Variants in LETM1 observed in about 807,000 individuals in gnomAD.
LETM1 encodes the protein leucine zipper and EF-hand containing transmembrane protein 1.
Under a neutral mutation model 74.5 loss-of-function variants are expected in LETM1, and 50 were observed. The ratio of observed to expected loss-of-function variants is 0.67; its 90% CI spans 0.53 to 0.85. The LOEUF (loss-of-function observed/expected upper bound fraction) is 0.85, where lower values mean the gene tolerates loss of function less well. Among genes scored for constraint, LETM1 ranks in the 40% least tolerant of loss-of-function variants. LETM1 has a pLI of 0.00. For synonymous variants in LETM1, 446 were observed against 407.1 expected (o/e 1.10, Z -1.15); for missense variants, 824 against 967.8 (o/e 0.85, Z 1.97).
chr4:1,827,541 C>G (rs1389475431), intron 6 of LETM1, among the ~76,000 whole-genome samples: 1 of 109,038 alleles, frequency 9.2e-6, no homozygotes, highest in Non-Finnish European at 1.8e-5. Flanking sequence ...ACATCTTGCA[C>G]CGCCCTTAAT....
intron 8 of LETM1, 72 bp downstream of exon 8, chr4:1,823,572 C>A (rs1316165040): frequency 1.3e-6 from 2 of 1,589,768 alleles, no homozygotes; most frequent in African/African-American, 2.7e-5. Flanking sequence ...CGCTTGCACA[C>A]CTCCCCCCAC....
At chr4:1,833,044 T>C in intron 5 of LETM1, 97 bp from the exon 6 acceptor site, 1 of 1,044,210 alleles carries the variant, frequency 9.6e-7, no homozygotes, top group African/African-American at 1.6e-5. Flanking sequence ...CCTCTCATCC[T>C]CAGGGACTCA....
rs1711805031 is a variant in LETM1, at chr4:1,822,218, GTC to G, written c.1569_1570del (p.Glu523AspfsTer31). 6.6e-7 allele frequency: 1 copy of G among 1,519,730 alleles called. No individual in the cohort carries two copies. The highest frequency in any genetic ancestry group is 8.9e-7 in the Non-Finnish European group (1 of 1,123,586). 94.1% of individuals were successfully genotyped at this position (1,519,730 alleles called of 1,614,324 possible). On this transcript the variant is annotated frameshift_variant, in exon 10 of 14. Coordinates refer to ENST00000302787, the MANE Select transcript of LETM1 (RefSeq NM_012318.3). LOFTEE classifies it high-confidence loss of function. ...CAGCACCGGGGCAGTGTCCTTCAAG[GTC>G]TCTGACTGCAGGACTGTGTCAGGCA...
Position 1,822,297 on chromosome 4 carries a change from C to A in LETM1, c.1492G>T (p.Glu498Ter), listed in dbSNP as rs752894460. The change falls in exon 10 of 14, where the codon GAA (glutamate) becomes TAA (stop). Residue 498 changes from glutamate (E) to a stop codon, truncating the protein, a stop_gained. Transcript: ENST00000302787. LOFTEE classifies it high-confidence loss of function. ...RSEVAKDFEP[E>*]RVVAAPQRPG... ...CTTTGGGGAGCAGCTACCACACGTT[C>A]GGGCTCAAAATCCTTCTGAAAGGCA... is the stretch of plus-strand genomic sequence containing the variant. 3 of 1,515,828 alleles carry A rather than the reference C, an allele frequency of 2.0e-6. No homozygotes were observed. Among genetic ancestry groups the A allele is most frequent in the East Asian group, 2.5e-5 (1 of 40,320 alleles). The allele number at this position is 1,515,828 out of a possible 1,614,324, so 93.9% of individuals were successfully genotyped here.
intron 1 of LETM1, among the ~76,000 whole-genome samples, chr4:1,855,060 T>C (rs1713191158): frequency 6.6e-6 from 1 of 151,846 alleles, no homozygotes; most frequent in Non-Finnish European, 1.5e-5. Flanking sequence ...CTGGGTGTTG[T>C]GTGGCACAAC....
At chr4:1,821,912 G>A (rs1711791018) in intron 10 of LETM1, among the ~76,000 whole-genome samples, 2 of 152,336 alleles carry the variant, frequency 1.3e-5, no homozygotes, top group South Asian at 4.1e-4. Flanking sequence ...ATCTCTACCT[G>A]CCACACTGTG....
chr4:1,836,781 TC>T lies in LETM1; in HGVS notation c.595-210del, dbSNP rs1210380813. 6.6e-6 allele frequency among the ~76,000 whole-genome samples: 1 copy of T among 152,086 alleles called. No individual in the cohort carries two copies. The highest frequency in any genetic ancestry group is 1.5e-5 in the Non-Finnish European group (1 of 68,004). On this transcript the variant is annotated intron_variant, in intron 3 of 13. Transcript: ENST00000302787. The surrounding 1 kb of genome is among the most constrained non-coding windows in gnomAD (Gnocchi z 5.8). ...GGGTCCAAAGCAGGTACCAGCAGCC[TC>T]CAGAAAAGCAGGGTATGGTGCTGAC...
chr4:1,821,665 G>A (rs1215056966), intron 10 of LETM1, among the ~76,000 whole-genome samples: 4 of 152,190 alleles, frequency 2.6e-5, no homozygotes, highest in African/African-American at 7.2e-5. Flanking sequence ...TTCAGCCCGC[G>A]AGTTCAAGAT....
Position 1,836,407 on chromosome 4 carries a change from G to A in LETM1, c.738+22C>T. Reference sequence around the variant, plus strand: ...GAATTTCAGACTCATTCTAAAACAAGCAGTTGGGATGCTGCCCTTACCTTG... The same window carrying A: ...GAATTTCAGACTCATTCTAAAACAAACAGTTGGGATGCTGCCCTTACCTTG... On this transcript the variant is annotated intron_variant, in intron 4 of 13. Transcript: ENST00000302787. This position sits in a 1 kb window ranked among gnomAD's most constrained non-coding sequence, Gnocchi z 5.8. The A allele has an allele frequency of 6.2e-6, 10 of 1,612,584 alleles. No homozygotes were observed. Among genetic ancestry groups the A allele is most frequent in the Non-Finnish European group, 8.5e-6 (10 of 1,178,908 alleles).
intron 6 of LETM1, among the ~76,000 whole-genome samples, chr4:1,827,441 C>T (rs1456264091): frequency 8.6e-6 from 1 of 116,906 alleles, no homozygotes; most frequent in Non-Finnish European, 1.7e-5. Context: ...TGCGGCCTTC[C>T]GCAGTGTTTG....
At chr4:1,826,513 T>A (rs1016132640) in intron 6 of LETM1, among the ~76,000 whole-genome samples, 15 of 152,228 alleles carry the variant, frequency 9.9e-5, no homozygotes, top group Admixed American at 9.8e-4. Flanking sequence ...CAGCTCCCGG[T>A]GCTGCCCGTT....
chr4:1,813,678 A>G lies in LETM1; in HGVS notation c.*746T>C, dbSNP rs1341024859. On this transcript the variant is annotated 3_prime_UTR_variant, in exon 14 of 14. Transcript: ENST00000302787. ...CCCAAATGCGCTTCAGAGCCCCACC[A>G]ACCCCCAAGCCAGGCTCATCCCTGA... 6.6e-6 allele frequency: 1 copy of G among 152,506 alleles called. No homozygotes were observed. The highest frequency in any genetic ancestry group is 2.4e-5 in the African/African-American group (1 of 41,430). 9.4% of individuals were successfully genotyped at this position (152,506 alleles called of 1,614,324 possible).
At chr4:1,825,867 G>T (rs901746351) in intron 6 of LETM1, among the ~76,000 whole-genome samples, 184 bp from the exon 7 acceptor site, 3 of 152,116 alleles carry the variant, frequency 2.0e-5, no homozygotes, top group African/African-American at 7.2e-5. Context: ...AGGATCTTGG[G>T]AAGTGCAGAA....
chr4:1,812,390 A>AG lies in LETM1; in HGVS notation c.*2033dup, dbSNP rs1376702532. On this transcript the variant is annotated 3_prime_UTR_variant, in exon 14 of 14. Transcript: ENST00000302787. ...AAAAAAAAAAAAAAAAAAAAAAAAAAGTGAGTGCTTAGCTGGAGTGAGGAG... is the reference window on the plus strand; with the variant it reads ...AAAAAAAAAAAAAAAAAAAAAAAAAAGGTGAGTGCTTAGCTGGAGTGAGGAG... 2 of 126,328 alleles carry AG rather than the reference A, an allele frequency of 1.6e-5. No individual in the cohort carries two copies. The highest frequency in any genetic ancestry group is 3.4e-5 in the Non-Finnish European group (2 of 59,342). The allele number at this position is 126,328 out of a possible 1,614,324, so 7.8% of individuals were successfully genotyped here.
chr4:1,835,035 C>T (rs1712414385), intron 4 of LETM1, 53 bp from the exon 5 acceptor site: 1 of 1,582,892 alleles, frequency 6.3e-7, no homozygotes, highest in South Asian at 1.1e-5. Context: ...GTGGTTCGGG[C>T]AAGGAAAACA....
At chr4:1,815,861 C>T in intron 12 of LETM1, 59 bp from the exon 13 acceptor site, 3 of 1,592,004 alleles carry the variant, frequency 1.9e-6, no homozygotes, top group Admixed American at 1.7e-5. Context: ...CAGGGCCTCA[C>T]TGCCCACACC....
intron 11 of LETM1, 133 bp downstream of exon 11, chr4:1,819,205 G>A (rs1711687601): frequency 4.6e-6 from 4 of 863,896 alleles, no homozygotes; most frequent in South Asian, 1.8e-5. Flanking sequence ...TATTTATAAC[G>A]TGCTTTCCTC....
At chr4:1,815,572 G>C in intron 13 of LETM1, 92 bp downstream of exon 13, 1 of 1,438,390 alleles carries the variant, frequency 7.0e-7, no homozygotes, top group South Asian at 1.3e-5. Context: ...AGCTGCCCAG[G>C]AGGGTGCCGG....
rs1342155961 is a variant in LETM1, at chr4:1,832,933, C to T, written c.891G>A (p.Gly297=). Residue 297 remains glycine, a synonymous_variant, in exon 6 of 14, where the codon GGG becomes GGA. Transcript: ENST00000302787. ...SVFFQKIRET[G]ERPSNEEIMR... ...TGATTTCCTCATTGCTGGGCCTCTC[C>T]CCTGTTTCCCGGATCTGCGGAAGTG... 4 of 1,612,104 alleles carry T rather than the reference C, an allele frequency of 2.5e-6. No individual in the cohort carries two copies. The highest frequency in any genetic ancestry group is 1.7e-5 in the Admixed American group (1 of 59,990).
Sources: allele counts gnomAD v4.1 joint callset (sites outside exome capture counted in the v4.1 genomes callset), GRCh38; gene constraint gnomAD v4.1.1; non-coding constraint Gnocchi (gnomAD v3.1); transcripts MANE v1.5; gene names NCBI Gene and HGNC (gene_info 2026-07-23, HGNC 2026-07-21).